CELSR1: variants seen among roughly 807,000 people sequenced by gnomAD.
CELSR1 encodes the protein adhesion G protein-coupled receptor C1.
Under a neutral mutation model 249.1 loss-of-function variants are expected in CELSR1, and 110 were observed. That is an observed-to-expected ratio of 0.44 (90% confidence interval 0.38 to 0.52). The LOEUF is 0.52. CELSR1 is among the 20% of genes least tolerant of loss of function. The pLI, the probability that CELSR1 is intolerant of heterozygous loss-of-function variation, is 0.00. For missense variants in CELSR1, 4,109 were observed against 4,296.4 expected (o/e 0.96, Z 1.22); for synonymous variants, 2,113 against 1,900.0 (o/e 1.11, Z -2.92).
At chr22:46,414,353 A>G (rs1158157443) in intron 5 of CELSR1, among the ~76,000 whole-genome samples, 1 of 152,232 alleles carries the variant, frequency 6.6e-6, no homozygotes, top group African/African-American at 2.4e-5. Context: ...TGGAAGAACC[A>G]GCAGGAGGGC....
Position 46,369,125 on chromosome 22 carries a change from G to A in CELSR1, c.7952+54C>T, listed in dbSNP as rs767470668. On this transcript the variant is annotated intron_variant, in intron 27 of 34. Transcript: ENST00000674500. The stretch of plus-strand genomic sequence containing the variant: ...CCCCACCCCGCAGAGACTGGACGTC[G>A]GGGTCTCAGGGCCCAGCCGACATGG... The A allele has an allele frequency of 5.1e-5, 80 of 1,565,770 alleles. No individual in the cohort carries two copies. In the Admixed American group the frequency reaches 5.3e-4, roughly 10 times the overall value.
intron 1 of CELSR1, among the ~76,000 whole-genome samples, chr22:46,497,541 C>G (rs570878979): frequency 5.5e-4 from 84 of 152,306 alleles, no homozygotes; most frequent in African/African-American, 1.9e-3. Flanking sequence ...TTCACACATT[C>G]TCTGTGCTCT....
Position 46,389,523 on chromosome 22 carries a change from T to A in CELSR1, c.6346-24A>T, listed in dbSNP as rs1000745291. The A allele has an allele frequency of 3.1e-6, 5 of 1,611,814 alleles. No individual in the cohort carries two copies. In the African/African-American group the frequency reaches 5.3e-5, roughly 17 times the overall value. ...TTCTGGAACAGGGAGGCAGTCGTGA[T>A]GTGTGCAAACCCACTTCGGCCGCTT... is the stretch of plus-strand genomic sequence containing the variant. On this transcript the variant is annotated intron_variant, in intron 17 of 34. Coordinates refer to ENST00000674500, the MANE Select transcript of CELSR1 (RefSeq NM_001378328.1).
In CELSR1 at chr22:46,365,606, C is replaced by T. The variant is rs1044750252; in HGVS notation, c.8384G>A (p.Arg2795Lys). The T allele has an allele frequency of 5.0e-6, 8 of 1,593,744 alleles. No homozygotes were observed. In the Admixed American group the frequency reaches 1.0e-4, roughly 21 times the overall value. ...HGEPDASLMP[R>K]SCKDPPGHDS... Reference sequence around the variant, plus strand: ...CATACCAGGGGGATCCTTGCAGCTCCTGGGCATGAGGGACGCGTCTGGCTC... The same window carrying T: ...CATACCAGGGGGATCCTTGCAGCTCTTGGGCATGAGGGACGCGTCTGGCTC... Residue 2795 changes from arginine to lysine, a missense_variant, in exon 31 of 35, where the codon AGG (arginine) becomes AAG (lysine). Arg to Lys is a conservative substitution (Grantham distance 26). Coordinates refer to ENST00000674500, the MANE Select transcript of CELSR1 (RefSeq NM_001378328.1).
chr22:46,463,926 G>A lies in CELSR1; in HGVS notation c.3964C>T (p.Leu1322=). The stretch of plus-strand genomic sequence containing the variant: ...AAGGGCGCGGAGCTGTCGAATCGCA[G>A]AACGGACACGCACTTCATGTAGTTC... ...CENYMKCVSV[L]RFDSSAPFLS... Residue 1322 remains leucine (L), a synonymous_variant, in exon 2 of 35, where the codon CTG becomes TTG. Coordinates refer to ENST00000674500, the MANE Select transcript of CELSR1 (RefSeq NM_001378328.1). 6.2e-7 allele frequency: 1 copy of A among 1,614,028 alleles called. No homozygotes were observed.
rs59470297 is a variant in CELSR1 at position 46,506,173 on chromosome 22, C to CAAAAA, written c.3544+27449_3544+27453dup. ...CAGCCTGGGCGACAGAGACTGTCTC[C>CAAAAA]AAAAAAAAAAAAAAAAAAAAGAAAA... On this transcript the variant is annotated intron_variant, in intron 1 of 34. Transcript: ENST00000674500. This position sits in a 1 kb window ranked among gnomAD's most constrained non-coding sequence, Gnocchi z 4.1. 1.5e-5 allele frequency among the ~76,000 whole-genome samples: 2 copies of CAAAAA among 137,032 alleles called. No homozygotes were observed. The highest frequency in any genetic ancestry group is 2.9e-5 in the African/African-American group (1 of 34,246). The allele number at this position is 137,032 out of a possible 152,430, so 89.9% of individuals were successfully genotyped here.
intron 25 of CELSR1, among the ~76,000 whole-genome samples, chr22:46,371,165 G>A (rs76029134): frequency 6.6e-6 from 1 of 152,108 alleles, no homozygotes; most frequent in Non-Finnish European, 1.5e-5. Flanking sequence ...GGGTGGAGGT[G>A]AAAAAGGTTC....
intron 1 of CELSR1, among the ~76,000 whole-genome samples, chr22:46,495,883 T>A (rs2080408443): frequency 2.0e-5 from 3 of 151,240 alleles, no homozygotes; most frequent in African/African-American, 7.3e-5. Flanking sequence ...TATTTTACTT[T>A]ATAAAGTTTT....
chr22:46,529,990 G>A (rs1281989941), intron 1 of CELSR1, among the ~76,000 whole-genome samples: 1 of 151,884 alleles, frequency 6.6e-6, no homozygotes, highest in Non-Finnish European at 1.5e-5. Context: ...GCATGCCTGT[G>A]CCAGAATATC....
chr22:46,520,055 G>A (rs1344357145), intron 1 of CELSR1, among the ~76,000 whole-genome samples: 1 of 151,504 alleles, frequency 6.6e-6, no homozygotes, highest in Non-Finnish European at 1.5e-5. Context: ...TATTTTTTTA[G>A]TAGAGATGGG....
Position 46,534,699 on chromosome 22 carries a change from G to A in CELSR1, c.2472C>T (p.Ile824=), listed in dbSNP as rs779974480. The change falls in exon 1 of 35, where the codon ATC becomes ATT. Residue 824 remains isoleucine (I), a synonymous_variant. Coordinates refer to ENST00000674500, the MANE Select transcript of CELSR1 (RefSeq NM_001378328.1). The surrounding 1 kb of genome is among the most constrained non-coding windows in gnomAD (Gnocchi z 9.7). ...NDEDTGENAR[I]TYVIQDPVPQ... ...GCACGGGGTCCTGAATCACGTAGGTGATGCGGGCATTCTCTCCTGTGTCCT... is the reference window on the plus strand; with the variant it reads ...GCACGGGGTCCTGAATCACGTAGGTAATGCGGGCATTCTCTCCTGTGTCCT... 121 of 1,613,422 alleles carry A rather than the reference G, an allele frequency of 7.5e-5. 2 individuals are homozygous for A. In the South Asian group the frequency reaches 7.9e-4, roughly 11 times the overall value.
intron 2 of CELSR1, among the ~76,000 whole-genome samples, chr22:46,449,706 C>T (rs1276338027): frequency 1.3e-5 from 2 of 152,008 alleles, no homozygotes. Context: ...AGAGTTATAG[C>T]AGATGGAAAA....
Position 46,363,016 on chromosome 22 carries a change from GCTC to G in CELSR1, c.*204_*206del, listed in dbSNP as rs1048472588. On this transcript the variant is annotated 3_prime_UTR_variant, in exon 35 of 35. Coordinates refer to ENST00000674500, the MANE Select transcript of CELSR1 (RefSeq NM_001378328.1). The surrounding 1 kb of genome is among the most constrained non-coding windows in gnomAD (Gnocchi z 4.3). Reference sequence around the variant, plus strand: ...TGTCACCAGGTCTGACAGGCCCTGAGCTCCTGGGAGAACCAAGACCTTTGTGTC... The same window carrying G: ...TGTCACCAGGTCTGACAGGCCCTGAGCTGGGAGAACCAAGACCTTTGTGTC... 3 of 1,044,966 alleles carry G rather than the reference GCTC, an allele frequency of 2.9e-6. No homozygotes were observed. The highest frequency in any genetic ancestry group is 3.2e-5 in the African/African-American group (2 of 62,674). The allele number at this position is 1,044,966 out of a possible 1,614,324, so 64.7% of individuals were successfully genotyped here. A position where few individuals can be genotyped will look rare whatever the true frequency, so the allele number is the denominator to read the frequency against.
At position 46,506,120 on chromosome 22, in the gene CELSR1, A is replaced by G. The variant is rs1257244413; in HGVS notation, c.3544+27507T>C. Among the ~76,000 whole-genome samples, 1 of 150,338 alleles carries G rather than the reference A, an allele frequency of 6.7e-6. No homozygotes were observed. The highest frequency in any genetic ancestry group is 2.5e-5 in the African/African-American group (1 of 40,360). On this transcript the variant is annotated intron_variant, in intron 1 of 34. Transcript: ENST00000674500. The surrounding 1 kb of genome is among the most constrained non-coding windows in gnomAD (Gnocchi z 4.1). ...CTTGAACCTGGGAGGACGAGGTTGC[A>G]GTGAGCTGAGATCACACCATTGCAG... is the stretch of plus-strand genomic sequence containing the variant.
At chr22:46,496,197 T>C (rs1170756269) in intron 1 of CELSR1, among the ~76,000 whole-genome samples, 7 of 43,520 alleles carry the variant, frequency 1.6e-4, no homozygotes, top group Admixed American at 1.4e-3. Context: ...TGAGACTTTG[T>C]CTCAAAAAAA....
chr22:46,391,559 G>A lies in CELSR1; in HGVS notation c.6148+74C>T, dbSNP rs1043800281. On this transcript the variant is annotated intron_variant, in intron 15 of 34. Coordinates refer to ENST00000674500, the MANE Select transcript of CELSR1 (RefSeq NM_001378328.1). The surrounding 1 kb of genome is among the most constrained non-coding windows in gnomAD (Gnocchi z 4.3). ...GGTCCCCCAAACACCCAGCGTGCAT[G>A]CACACACGTGCACGCCAGTGCAGCA... 4.8e-6 allele frequency: 7 copies of A among 1,451,440 alleles called. No homozygotes were observed. The highest frequency in any genetic ancestry group is 1.4e-5 in the South Asian group (1 of 70,614). The allele number at this position is 1,451,440 out of a possible 1,614,324, so 89.9% of individuals were successfully genotyped here.
chr22:46,378,292 T>C (rs2078940154), intron 23 of CELSR1, among the ~76,000 whole-genome samples: 1 of 152,068 alleles, frequency 6.6e-6, no homozygotes, highest in Non-Finnish European at 1.5e-5. Context: ...AGCCTGAGCT[T>C]TGGGTCTGCC....
At position 46,399,946 on chromosome 22, in the gene CELSR1, T is replaced by C. The variant is rs2079193917; in HGVS notation, c.5227-44A>G. The C allele has an allele frequency of 6.3e-7, 1 of 1,584,580 alleles. No individual in the cohort carries two copies. The highest frequency in any genetic ancestry group is 1.4e-5 in the African/African-American group (1 of 74,046). On this transcript the variant is annotated intron_variant, in intron 9 of 34. Coordinates refer to ENST00000674500, the MANE Select transcript of CELSR1 (RefSeq NM_001378328.1). The surrounding 1 kb of genome is among the most constrained non-coding windows in gnomAD (Gnocchi z 5.0). ...CACCGACTGATTGGTACAATGACAA[T>C]GAAAGAGAAAACATTTTGCAGTCAC... is the stretch of plus-strand genomic sequence containing the variant.
At chr22:46,387,626 T>A (rs2079046358) in intron 18 of CELSR1, among the ~76,000 whole-genome samples, 1 of 152,182 alleles carries the variant, frequency 6.6e-6, no homozygotes, top group Non-Finnish European at 1.5e-5. Context: ...CCCAAAGTGC[T>A]GGGATTACAG....
Sources: gnomAD v4.1 joint callset for allele counts (sites outside exome capture counted in the v4.1 genomes callset) on GRCh38, gnomAD v4.1.1 for gene constraint, Gnocchi (gnomAD v3.1) non-coding constraint, MANE v1.5 for transcripts, NCBI Gene and HGNC (gene_info 2026-07-23, HGNC 2026-07-21) for gene names.